The following SLC28A1 variants were observed in gnomAD, a reference collection of about 807,000 sequenced individuals.
SLC28A1 encodes sodium/nucleoside cotransporter 1.
A neutral mutation model predicts 74.8 loss-of-function variants in SLC28A1; 64 were observed. The ratio of observed to expected loss-of-function variants is 0.86; its 90% CI spans 0.70 to 1.05. The LOEUF (loss-of-function observed/expected upper bound fraction) is 1.05, where lower values mean the gene tolerates loss of function less well. Ranked by LOEUF, SLC28A1 falls within the 50% of genes least tolerant of loss-of-function variation. The pLI is 0.00. For missense variants in SLC28A1, 828 were observed against 822.8 expected (o/e 1.01, Z -0.08); for synonymous variants, 359 against 335.0 (o/e 1.07, Z -0.78).
rs1173798694 is a variant in SLC28A1, at chr15:84,935,336, A to G, written c.1399A>G (p.Ile467Val). The G allele has an allele frequency of 3.1e-6, 5 of 1,614,114 alleles. No homozygotes were observed. The highest frequency in any genetic ancestry group is 4.2e-6 in the Non-Finnish European group (5 of 1,180,014). ...GLSFQLICSYILRPVAFLMGV... is the reference protein window; with the variant it reads ...GLSFQLICSYVLRPVAFLMGV... ...GTGCCCTCAGCTCATCTGCTCCTACATCCTGCGGCCTGTAGCCTTCTTGAT... is the reference window on the plus strand; with the variant it reads ...GTGCCCTCAGCTCATCTGCTCCTACGTCCTGCGGCCTGTAGCCTTCTTGAT... The change falls in exon 15 of 19, where the codon ATC becomes GTC. Residue 467 changes from isoleucine to valine, a missense_variant. Ile to Val is a conservative substitution (Grantham distance 29). Coordinates refer to ENST00000394573, the MANE Select transcript of SLC28A1 (RefSeq NM_004213.5).
chr15:84,935,945 G>GTTTTTT (rs1491147464), intron 15 of SLC28A1, among the ~76,000 whole-genome samples: 1 of 85,926 alleles, frequency 1.2e-5, no homozygotes, highest in Admixed American at 1.6e-4. Context: ...TTTTGGTTTG[G>GTTTTTT]TTTTTGTTTT....
chr15:84,900,876 AAGGAAG>A (rs1966606852), intron 6 of SLC28A1, among the ~76,000 whole-genome samples: 11 of 13,570 alleles, frequency 8.1e-4, no homozygotes, highest in Admixed American at 2.1e-3. Context: ...AAAGGCAAGG[AAGGAAG>A]GAAGGAAGGA....
chr15:84,926,151 A>C (rs1970487608), intron 12 of SLC28A1, among the ~76,000 whole-genome samples: 1 of 149,712 alleles, frequency 6.7e-6, no homozygotes, highest in East Asian at 1.9e-4. Flanking sequence ...TATATAGAGC[A>C]ATTAAAAATA....
intron 11 of SLC28A1, 150 bp downstream of exon 11, chr15:84,921,219 T>A: frequency 1.4e-6 from 1 of 714,326 alleles, no homozygotes; most frequent in East Asian, 2.7e-5. Context: ...CCAGGGATAC[T>A]CTGTTTGGGG....
At chr15:84,948,720 GAGA>G (rs1442434266), downstream of SLC28A1, among the ~76,000 whole-genome samples, 1 of 152,146 alleles carries the variant, frequency 6.6e-6, no homozygotes, top group East Asian at 1.9e-4. Context: ...TCTTTGTAAT[GAGA>G]AGGACATTGC....
intron 6 of SLC28A1, among the ~76,000 whole-genome samples, chr15:84,898,169 G>A (rs527819711): frequency 9.3e-5 from 14 of 150,354 alleles, no homozygotes; most frequent in African/African-American, 1.7e-4. Flanking sequence ...TGGAATTACC[G>A]AATCATATGG....
At chr15:84,949,025 T>C (rs1257032919), downstream of SLC28A1, among the ~76,000 whole-genome samples, 4 of 152,218 alleles carry the variant, frequency 2.6e-5, no homozygotes, top group Admixed American at 2.6e-4. Context: ...TTTTAAAAAG[T>C]CAAATCTTAA....
At chr15:84,897,896 G>A (rs888949062) in intron 6 of SLC28A1, among the ~76,000 whole-genome samples, 2 of 152,138 alleles carry the variant, frequency 1.3e-5, no homozygotes, top group African/African-American at 4.8e-5. Context: ...TTGTCTTTCT[G>A]TGCTTGGCTT....
intron 6 of SLC28A1, among the ~76,000 whole-genome samples, chr15:84,899,149 T>G (rs1022009542): frequency 2.6e-5 from 4 of 152,002 alleles, no homozygotes; most frequent in African/African-American, 9.7e-5. Flanking sequence ...AGGGCATTGT[T>G]TAGCGTACTA....
the SLC28A1 span, among the ~76,000 whole-genome samples, chr15:84,958,869 G>A: frequency 1.3e-5 from 2 of 151,924 alleles, no homozygotes; most frequent in African/African-American, 2.4e-5. Flanking sequence ...AGAGGCTAAG[G>A]TGGGTGGATC....
At chr15:84,906,018 C>CTTT (rs34746940) in intron 8 of SLC28A1, among the ~76,000 whole-genome samples, 1 of 139,258 alleles carries the variant, frequency 7.2e-6, no homozygotes, top group Non-Finnish European at 1.5e-5. Flanking sequence ...CATTTTTGTT[C>CTTT]TTTTTTTTTT....
intron 9 of SLC28A1, among the ~76,000 whole-genome samples, chr15:84,915,827 C>T (rs1969001657): frequency 6.6e-6 from 1 of 152,194 alleles, no homozygotes; most frequent in Non-Finnish European, 1.5e-5. Context: ...CTTCCCCTCT[C>T]ACCCTTTAAT....
Position 84,884,674 on chromosome 15 carries a change from G to A in SLC28A1, c.-210G>A. On this transcript the variant is annotated 5_prime_UTR_variant, in exon 1 of 19. Coordinates refer to ENST00000394573, the MANE Select transcript of SLC28A1 (RefSeq NM_004213.5). ...AGATTAGGGCCCACAACGATGTGAA[G>A]GTTATAAGCTGCACTGCATGGTTGC... is the stretch of plus-strand genomic sequence containing the variant. The A allele has an allele frequency of 1.0e-6, 1 of 982,710 alleles. No individual in the cohort carries two copies. Among genetic ancestry groups the A allele is most frequent in the Non-Finnish European group, 1.2e-6 (1 of 827,220 alleles). The allele number at this position is 982,710 out of a possible 1,614,324, so 60.9% of individuals were successfully genotyped here. A position where few individuals can be genotyped will look rare whatever the true frequency, so the allele number is the denominator to read the frequency against.
chr15:84,893,296 C>A (rs1302279292), intron 5 of SLC28A1, among the ~76,000 whole-genome samples: 3 of 152,154 alleles, frequency 2.0e-5, no homozygotes, highest in Non-Finnish European at 2.9e-5. Context: ...CTCCTGGCGA[C>A]CACGGAGCCT....
the SLC28A1 span, among the ~76,000 whole-genome samples, chr15:84,974,143 C>T: frequency 2.6e-5 from 4 of 152,156 alleles, no homozygotes; most frequent in African/African-American, 4.8e-5. Flanking sequence ...ACGATCGTTG[C>T]GGCTGACATT....
chr15:84,945,256 A>C lies in SLC28A1; in HGVS notation c.*56A>C. On this transcript the variant is annotated 3_prime_UTR_variant, in exon 19 of 19. Transcript: ENST00000394573. ...TGAGGGCTGTTCTCCCCCGGGAACCATCTGTCCCCACCTTCCCTTTCCCAG... is the reference window on the plus strand; with the variant it reads ...TGAGGGCTGTTCTCCCCCGGGAACCCTCTGTCCCCACCTTCCCTTTCCCAG... 6.6e-7 allele frequency: 1 copy of C among 1,521,708 alleles called. No homozygotes were observed. The highest frequency in any genetic ancestry group is 1.4e-5 in the African/African-American group (1 of 73,174). 94.3% of individuals were successfully genotyped at this position (1,521,708 alleles called of 1,614,324 possible).
At chr15:84,955,970 T>C in the SLC28A1 span, among the ~76,000 whole-genome samples, 1 of 152,186 alleles carries the variant, frequency 6.6e-6, no homozygotes, top group Non-Finnish European at 1.5e-5. Flanking sequence ...TTCCCTTCCA[T>C]TCAAATCAAA....
intron 7 of SLC28A1, 35 bp downstream of exon 7, chr15:84,904,273 G>A (rs1567136244): frequency 1.9e-6 from 3 of 1,612,268 alleles, no homozygotes; most frequent in South Asian, 2.2e-5. Context: ...GGCTGGAAGT[G>A]TTTGCCTCTC....
At chr15:84,894,915 A>AC in intron 5 of SLC28A1, 25 bp from the exon 6 acceptor site, 1 of 1,612,082 alleles carries the variant, frequency 6.2e-7, no homozygotes, top group Non-Finnish European at 8.5e-7. Flanking sequence ...CTGGCTGTTG[A>AC]CCCCTCCTCT....
Sources: allele counts gnomAD v4.1 joint callset (sites outside exome capture counted in the v4.1 genomes callset), GRCh38; gene constraint gnomAD v4.1.1; transcripts MANE v1.5; gene names NCBI Gene and HGNC (gene_info 2026-07-23, HGNC 2026-07-21).